Variants in ZFAND3 observed in about 807,000 individuals in gnomAD.
The protein encoded by ZFAND3 is zinc finger AN1-type containing 3, also known as AN1-type zinc finger protein 3.
Under a neutral mutation model 29.6 loss-of-function variants are expected in ZFAND3, and 10 were observed. That is an observed-to-expected ratio of 0.34 (90% CI 0.21 to 0.57). ZFAND3 has a LOEUF of 0.57. Among genes scored for constraint, ZFAND3 ranks in the 20% least tolerant of loss-of-function variants. The pLI is 0.86. For missense variants in ZFAND3, 230 were observed against 304.5 expected, an observed-to-expected ratio of 0.76 and a Z score of 1.82; for synonymous variants, 128 against 112.6, an observed-to-expected ratio of 1.14 and a Z score of -0.87.
chr6:38,131,918 A>G (rs1453980129), intron 5 of ZFAND3, among the ~76,000 whole-genome samples: 1 of 152,240 alleles, frequency 6.6e-6, no homozygotes, highest in Non-Finnish European at 1.5e-5. Context: ...TTTCTGGGCC[A>G]GTAGCCATGT....
intron 2 of ZFAND3, among the ~76,000 whole-genome samples, chr6:38,019,062 A>G (rs983557534): frequency 6.6e-6 from 1 of 152,052 alleles, no homozygotes; most frequent in Admixed American, 6.6e-5. Flanking sequence ...TCCTGGGTTC[A>G]AGCAATTCTG....
intron 2 of ZFAND3, among the ~76,000 whole-genome samples, chr6:38,008,586 A>G (rs1359763572): frequency 6.6e-6 from 1 of 152,128 alleles, no homozygotes; most frequent in Non-Finnish European, 1.5e-5. Flanking sequence ...GCCACTGTGG[A>G]CAACAGAGAG....
At chr6:38,024,638 A>G (rs1763412429) in intron 2 of ZFAND3, among the ~76,000 whole-genome samples, 1 of 152,262 alleles carries the variant, frequency 6.6e-6, no homozygotes, top group Non-Finnish European at 1.5e-5. Context: ...GGTATGAAGT[A>G]CAGATGATAC....
At chr6:38,007,564 CTTAG>C (rs1763072742) in intron 2 of ZFAND3, among the ~76,000 whole-genome samples, 1 of 152,004 alleles carries the variant, frequency 6.6e-6, no homozygotes, top group Admixed American at 6.6e-5. Context: ...AAAAAGATCA[CTTAG>C]TTCGTTGTGT....
At chr6:38,052,135 C>G (rs954757969) in intron 2 of ZFAND3, among the ~76,000 whole-genome samples, 1 of 152,084 alleles carries the variant, frequency 6.6e-6, no homozygotes, top group Non-Finnish European at 1.5e-5. Context: ...TCTCTTGTTG[C>G]CTGTTTTTGC....
chr6:37,867,648 AC>A (rs1764613124), intron 1 of ZFAND3, among the ~76,000 whole-genome samples: 2 of 152,268 alleles, frequency 1.3e-5, no homozygotes, highest in South Asian at 2.1e-4. Flanking sequence ...AAATATAATA[AC>A]TGTTTGCATA....
At chr6:37,825,066 T>C (rs1447918285) in intron 1 of ZFAND3, among the ~76,000 whole-genome samples, 1 of 152,262 alleles carries the variant, frequency 6.6e-6, no homozygotes, top group Admixed American at 6.5e-5. Flanking sequence ...AGTGAATTGC[T>C]GTCAAACATC....
chr6:37,982,041 T>TA (rs1194027778), intron 2 of ZFAND3, among the ~76,000 whole-genome samples: 1 of 152,136 alleles, frequency 6.6e-6, no homozygotes, highest in Non-Finnish European at 1.5e-5. Context: ...TTTACAAGGA[T>TA]AGTCATTTAT....
intron 1 of ZFAND3, among the ~76,000 whole-genome samples, chr6:37,876,428 G>A (rs1215988150): frequency 6.6e-6 from 1 of 152,176 alleles, no homozygotes; most frequent in Non-Finnish European, 1.5e-5. Context: ...TTACGGCAAA[G>A]CAGGTAAGTC....
intron 2 of ZFAND3, among the ~76,000 whole-genome samples, chr6:37,931,690 A>G (rs1406676527): frequency 1.3e-5 from 2 of 152,182 alleles, no homozygotes; most frequent in Non-Finnish European, 2.9e-5. Context: ...GGCCTGGTCC[A>G]GAAGAGGGCT....
intron 4 of ZFAND3, among the ~76,000 whole-genome samples, chr6:38,086,656 T>C (rs1764764164): frequency 6.6e-6 from 1 of 152,232 alleles, no homozygotes; most frequent in Non-Finnish European, 1.5e-5. Context: ...CGTCAAGTTA[T>C]ACCTTCAGCT....
At chr6:37,887,368 T>G (rs1765014336) in intron 1 of ZFAND3, among the ~76,000 whole-genome samples, 2 of 152,228 alleles carry the variant, frequency 1.3e-5, no homozygotes, top group South Asian at 4.1e-4. Context: ...ATCAAAATCA[T>G]GAGTACTTTG....
chr6:38,032,334 T>C (rs770698270), intron 2 of ZFAND3, among the ~76,000 whole-genome samples: 8 of 152,242 alleles, frequency 5.3e-5, no homozygotes, highest in Non-Finnish European at 1.0e-4. Flanking sequence ...TATTTTATCA[T>C]TGAATATGTC....
chr6:38,149,374 A>G (rs910101857), intron 5 of ZFAND3, among the ~76,000 whole-genome samples: 2 of 150,264 alleles, frequency 1.3e-5, no homozygotes, highest in African/African-American at 4.9e-5. Context: ...ATCGCACCAC[A>G]GCGCTCCAGC....
intron 1 of ZFAND3, among the ~76,000 whole-genome samples, chr6:37,882,859 C>G (rs1451246049): frequency 6.6e-6 from 1 of 152,148 alleles, no homozygotes; most frequent in African/African-American, 2.4e-5. Context: ...TAAACATTTT[C>G]TCTTGCTCAG....
chr6:37,923,627 A>G (rs557903334), intron 1 of ZFAND3, among the ~76,000 whole-genome samples: 25 of 152,356 alleles, frequency 1.6e-4, no homozygotes, highest in African/African-American at 5.8e-4. Context: ...ATTATGTACT[A>G]TACATAACTG....
chr6:37,955,173 C>G (rs181559110), intron 2 of ZFAND3, among the ~76,000 whole-genome samples: 1,238 of 116,322 alleles, frequency 0.011, 9 homozygotes, highest in Middle Eastern at 0.016. Context: ...GTGTGTGTGT[C>G]TCTAAGGGAA....
At chr6:37,939,327 A>G (rs1305451698) in intron 2 of ZFAND3, among the ~76,000 whole-genome samples, 1 of 152,172 alleles carries the variant, frequency 6.6e-6, no homozygotes, top group Non-Finnish European at 1.5e-5. Flanking sequence ...GCTCATAGAC[A>G]TATCATTCTA....
At chr6:38,108,541 T>A (rs1765252890) in intron 4 of ZFAND3, among the ~76,000 whole-genome samples, 1 of 152,176 alleles carries the variant, frequency 6.6e-6, no homozygotes, top group Non-Finnish European at 1.5e-5. Context: ...CCGAAGAATC[T>A]GGAGTCTGAT....
Sources: allele counts gnomAD v4.1 joint callset (sites outside exome capture counted in the v4.1 genomes callset), GRCh38; gene constraint gnomAD v4.1.1; transcripts MANE v1.5; gene names NCBI Gene and HGNC (gene_info 2026-07-23, HGNC 2026-07-21).